The following GSE1 variants were observed in gnomAD, a reference collection of about 807,000 sequenced individuals.
The protein encoded by GSE1 is genetic suppressor element 1.
Under a neutral mutation model 112.6 loss-of-function variants are expected in GSE1, and 32 were observed. The observed-to-expected ratio is 0.28, with a 90% confidence interval of 0.21 to 0.38. The LOEUF is 0.38. Among genes scored for constraint, GSE1 ranks in the 10% least tolerant of loss-of-function variants. The probability of loss-of-function intolerance (pLI) is 1.00; values close to 1 mark genes in which losing one functional copy is unlikely to be tolerated. For synonymous variants in GSE1, 1,115 were observed against 735.6 expected, an observed-to-expected ratio of 1.52 and a Z score of -8.35; for missense variants, 2,348 against 1,699.2, an observed-to-expected ratio of 1.38 and a Z score of -6.71.
At chr16:85,612,005 C>T (rs2048015722), upstream of GSE1, among the ~76,000 whole-genome samples, 1 of 152,056 alleles carries the variant, frequency 6.6e-6, no homozygotes, top group Admixed American at 6.5e-5. Flanking sequence ...CAGCGCAGCG[C>T]TGGGGCGGCC....
chr16:85,206,804 G>T (rs2075124958), intron 1 of GSE1, among the ~76,000 whole-genome samples: 1 of 150,594 alleles, frequency 6.6e-6, no homozygotes, highest in South Asian at 2.1e-4. Flanking sequence ...CAGGATGGAG[G>T]TGCTGGCCCC....
At chr16:85,607,403 C>T (rs943244639), upstream of GSE1, among the ~76,000 whole-genome samples, 3 of 152,224 alleles carry the variant, frequency 2.0e-5, no homozygotes, top group Non-Finnish European at 4.4e-5. Flanking sequence ...CCCCATTCAC[C>T]AGGGCTCGGC....
At chr16:85,622,463 C>G (rs746948247) in intron 1 of GSE1, among the ~76,000 whole-genome samples, 6 of 152,190 alleles carry the variant, frequency 3.9e-5, no homozygotes, top group Non-Finnish European at 7.3e-5. Context: ...TTAGGGAACT[C>G]TGTGCTGTAG....
chr16:85,422,370 G>A (rs575103370), intron 2 of GSE1, among the ~76,000 whole-genome samples: 7 of 147,418 alleles, frequency 4.7e-5, no homozygotes, highest in Non-Finnish European at 9.1e-5. Flanking sequence ...TGGGCGGGGC[G>A]GGGGGGGGTG....
intron 2 of GSE1, among the ~76,000 whole-genome samples, chr16:85,360,691 A>G (rs1454397836): frequency 1.3e-5 from 2 of 152,094 alleles, no homozygotes; most frequent in Non-Finnish European, 2.9e-5. Flanking sequence ...ACACAGACAC[A>G]GTACATACAC....
At chr16:85,227,518 A>T (rs1334806299) in intron 1 of GSE1, among the ~76,000 whole-genome samples, 1 of 152,230 alleles carries the variant, frequency 6.6e-6, no homozygotes, top group Non-Finnish European at 1.5e-5. Context: ...GGAACAGCAC[A>T]GGCAGGGCCC....
At chr16:85,173,986 G>A (rs1327444863) in intron 1 of GSE1, among the ~76,000 whole-genome samples, 1 of 152,218 alleles carries the variant, frequency 6.6e-6, no homozygotes, top group Non-Finnish European at 1.5e-5. Flanking sequence ...ACTCAGAGAA[G>A]TCAGACGACA....
At chr16:85,452,296 C>T (rs915280184) in intron 2 of GSE1, among the ~76,000 whole-genome samples, 37 of 152,204 alleles carry the variant, frequency 2.4e-4, no homozygotes, top group African/African-American at 8.9e-4. Context: ...ATTTACCCAA[C>T]CCTCATGAGC....
At chr16:85,195,884 C>G (rs1460898184) in intron 1 of GSE1, among the ~76,000 whole-genome samples, 1 of 152,190 alleles carries the variant, frequency 6.6e-6, no homozygotes, top group South Asian at 2.1e-4. Flanking sequence ...CCCATCACTT[C>G]TGACCTGCAG....
At chr16:85,551,978 G>A (rs1369707214), upstream of GSE1, among the ~76,000 whole-genome samples, 1 of 152,008 alleles carries the variant, frequency 6.6e-6, no homozygotes, top group African/African-American at 2.4e-5. Context: ...CAGGCCTGGG[G>A]AGCTCTCCAA....
intron 14 of GSE1, among the ~76,000 whole-genome samples, chr16:85,669,241 G>A (rs943024824): frequency 2.6e-5 from 4 of 152,256 alleles, no homozygotes; most frequent in African/African-American, 7.2e-5. Flanking sequence ...CTGGGTATGC[G>A]CTTTGACAAA....
At chr16:85,374,722 G>A (rs375673404) in intron 2 of GSE1, among the ~76,000 whole-genome samples, 2 of 152,166 alleles carry the variant, frequency 1.3e-5, no homozygotes, top group African/African-American at 2.4e-5. Flanking sequence ...GGATGCGTTC[G>A]AGCTGCTGGT....
chr16:85,608,120 C>T (rs530577317), upstream of GSE1, among the ~76,000 whole-genome samples: 82 of 152,206 alleles, frequency 5.4e-4, no homozygotes, highest in African/African-American at 1.9e-3. Flanking sequence ...AGATGTAAGC[C>T]GGGCTTTGAA....
At chr16:85,534,466 C>T (rs1042255252) in intron 2 of GSE1, among the ~76,000 whole-genome samples, 4 of 152,120 alleles carry the variant, frequency 2.6e-5, no homozygotes, top group African/African-American at 7.2e-5. Context: ...CATAACATTA[C>T]GTGGAATCCT....
At chr16:85,481,636 T>C (rs1312420830) in intron 2 of GSE1, among the ~76,000 whole-genome samples, 1 of 152,154 alleles carries the variant, frequency 6.6e-6, no homozygotes, top group Non-Finnish European at 1.5e-5. Flanking sequence ...CTTGATGTGG[T>C]CACTTTCCAG....
At chr16:85,436,211 T>A (rs970437037) in intron 2 of GSE1, among the ~76,000 whole-genome samples, 1 of 152,182 alleles carries the variant, frequency 6.6e-6, no homozygotes, top group African/African-American at 2.4e-5. Context: ...CCTAAACTCC[T>A]CTCCTCTCCT....
At chr16:85,312,211 G>T (rs1007493258) in intron 1 of GSE1, among the ~76,000 whole-genome samples, 2 of 151,634 alleles carry the variant, frequency 1.3e-5, no homozygotes, top group Non-Finnish European at 2.9e-5. Flanking sequence ...TTGCGGGGGG[G>T]GGGGGGACAC....
intron 1 of GSE1, among the ~76,000 whole-genome samples, chr16:85,247,564 C>A (rs1203194418): frequency 6.6e-6 from 1 of 152,208 alleles, no homozygotes; most frequent in Non-Finnish European, 1.5e-5. Flanking sequence ...TCTTCTCTCT[C>A]CTAAGCCTGG....
At chr16:85,368,611 T>A (rs1397355985) in intron 2 of GSE1, among the ~76,000 whole-genome samples, 4 of 151,602 alleles carry the variant, frequency 2.6e-5, no homozygotes, top group Admixed American at 6.6e-5. Context: ...AGGCTGAGGC[T>A]GGAGGATCGC....
Sources: allele counts gnomAD v4.1 joint callset (sites outside exome capture counted in the v4.1 genomes callset), GRCh38; gene constraint gnomAD v4.1.1; transcripts MANE v1.5; gene names NCBI Gene and HGNC (gene_info 2026-07-23, HGNC 2026-07-21).